The following ZNF385B variants were observed in gnomAD, a reference collection of about 807,000 sequenced individuals.
ZNF385B encodes the protein zinc finger protein 385B.
In ZNF385B, 23 loss-of-function variants were observed where a neutral mutation model predicts 39.2. The observed-to-expected ratio is 0.59, with a 90% CI of 0.42 to 0.83. ZNF385B has a LOEUF of 0.83. Among genes scored for constraint, ZNF385B ranks in the 40% least tolerant of loss-of-function variants. The probability of loss-of-function intolerance (pLI) is 0.00; values close to 1 mark genes in which losing one functional copy is unlikely to be tolerated. For synonymous variants in ZNF385B, 205 were observed against 222.6 expected, an observed-to-expected ratio of 0.92 and a Z score of 0.70; for missense variants, 552 against 598.9, an observed-to-expected ratio of 0.92 and a Z score of 0.82.
At chr2:179,462,282 A>G (rs1426421236) in intron 6 of ZNF385B, among the ~76,000 whole-genome samples, 1 of 152,168 alleles carries the variant, frequency 6.6e-6, no homozygotes, top group Non-Finnish European at 1.5e-5. Flanking sequence ...TTATCTTTCC[A>G]CTTTCTAAAT....
At chr2:179,665,979 G>A (rs542464271) in intron 3 of ZNF385B, among the ~76,000 whole-genome samples, 20 of 152,286 alleles carry the variant, frequency 1.3e-4, no homozygotes, top group African/African-American at 4.3e-4. Flanking sequence ...CCAGCTGGGA[G>A]GAATGTGTTT....
chr2:179,478,503 G>A (rs1574347350), intron 6 of ZNF385B, among the ~76,000 whole-genome samples: 1 of 152,138 alleles, frequency 6.6e-6, no homozygotes, highest in East Asian at 1.9e-4. Flanking sequence ...CAAATTTAAG[G>A]TGTTTCTATT....
intron 1 of ZNF385B, among the ~76,000 whole-genome samples, chr2:179,821,924 T>C (rs531466624): frequency 2.1e-4 from 32 of 152,004 alleles, no homozygotes; most frequent in African/African-American, 7.8e-4. Context: ...GAGACAAAGC[T>C]GAGATAATTC....
intron 3 of ZNF385B, among the ~76,000 whole-genome samples, chr2:179,722,968 T>C (rs1311648343): frequency 1.3e-5 from 2 of 152,140 alleles, no homozygotes. Context: ...TCAGCCTCAT[T>C]AGTTACCAGG....
At chr2:179,633,108 G>A (rs1173455805) in intron 3 of ZNF385B, among the ~76,000 whole-genome samples, 2 of 152,144 alleles carry the variant, frequency 1.3e-5, no homozygotes, top group Non-Finnish European at 2.9e-5. Context: ...ATTCACAGCT[G>A]AATTCTACCA....
chr2:179,841,933 CA>C (rs1708557214), intron 1 of ZNF385B, among the ~76,000 whole-genome samples: 1 of 152,170 alleles, frequency 6.6e-6, no homozygotes, highest in Non-Finnish European at 1.5e-5. Flanking sequence ...ACACTCCCCA[CA>C]AATACTTCCA....
chr2:179,657,741 CAAT>C (rs1246448298), intron 3 of ZNF385B, among the ~76,000 whole-genome samples: 2 of 152,174 alleles, frequency 1.3e-5, no homozygotes, highest in Non-Finnish European at 2.9e-5. Flanking sequence ...AGTAAGACAA[CAAT>C]AATTGTCTAC....
At chr2:179,789,346 T>C (rs1287081333) in intron 1 of ZNF385B, among the ~76,000 whole-genome samples, 1 of 152,202 alleles carries the variant, frequency 6.6e-6, no homozygotes. Flanking sequence ...AAGAACAGCA[T>C]GCATAGAATT....
At chr2:179,584,663 C>T (rs1261660276) in intron 3 of ZNF385B, among the ~76,000 whole-genome samples, 2 of 151,990 alleles carry the variant, frequency 1.3e-5, no homozygotes, top group Admixed American at 1.3e-4. Flanking sequence ...CATATGCCTA[C>T]CGAGGAATGC....
chr2:179,558,723 A>AT (rs2061122226), intron 3 of ZNF385B, among the ~76,000 whole-genome samples: 1 of 146,186 alleles, frequency 6.8e-6, no homozygotes, highest in Non-Finnish European at 1.5e-5. Flanking sequence ...TAGAGTGTTC[A>AT]TAAAAAATTC....
chr2:179,498,482 A>T (rs1019859286), intron 5 of ZNF385B, among the ~76,000 whole-genome samples: 2 of 152,072 alleles, frequency 1.3e-5, no homozygotes, highest in Admixed American at 1.3e-4. Context: ...AATAATTTTG[A>T]GCACCTTCTC....
intron 3 of ZNF385B, among the ~76,000 whole-genome samples, chr2:179,558,679 T>C (rs963441304): frequency 1.3e-5 from 2 of 152,198 alleles, no homozygotes. Flanking sequence ...TTTTTGCATA[T>C]GTATCCCAAG....
chr2:179,772,970 C>T (rs1440709281), intron 1 of ZNF385B, among the ~76,000 whole-genome samples: 2 of 152,118 alleles, frequency 1.3e-5, no homozygotes, highest in African/African-American at 4.8e-5. Flanking sequence ...CATTTTAGTG[C>T]AGGCAAAAGA....
At chr2:179,545,607 G>GTGT (rs1257829652) in intron 3 of ZNF385B, among the ~76,000 whole-genome samples, 1 of 152,142 alleles carries the variant, frequency 6.6e-6, no homozygotes, top group East Asian at 1.9e-4. Context: ...GGTGTTGGGG[G>GTGT]ACAGGTAGTA....
At chr2:179,701,162 G>T (rs1003783897) in intron 3 of ZNF385B, among the ~76,000 whole-genome samples, 2 of 152,090 alleles carry the variant, frequency 1.3e-5, no homozygotes, top group Admixed American at 1.3e-4. Context: ...ACTTTTATAA[G>T]TCATACACTT....
At chr2:179,547,927 G>A (rs2060337601) in intron 3 of ZNF385B, among the ~76,000 whole-genome samples, 1 of 149,512 alleles carries the variant, frequency 6.7e-6, no homozygotes, top group African/African-American at 2.5e-5. Flanking sequence ...TTTCATTGTA[G>A]AGATTTTTTA....
chr2:179,589,953 C>A (rs1203019837), intron 3 of ZNF385B, among the ~76,000 whole-genome samples: 1 of 152,208 alleles, frequency 6.6e-6, no homozygotes, highest in African/African-American at 2.4e-5. Context: ...ATTCATTAAA[C>A]CGTCACCAAA....
chr2:179,772,861 AG>A (rs1222643794), intron 1 of ZNF385B, among the ~76,000 whole-genome samples: 5 of 152,242 alleles, frequency 3.3e-5, no homozygotes, highest in African/African-American at 1.2e-4. Context: ...AATGAGTGTA[AG>A]AAAAGTCAGG....
chr2:179,457,766 T>C (rs974022379), intron 6 of ZNF385B, among the ~76,000 whole-genome samples: 5 of 152,198 alleles, frequency 3.3e-5, no homozygotes, highest in African/African-American at 1.2e-4. Flanking sequence ...TCTTTAAATA[T>C]AGCCTGAACA....
Sources: allele counts gnomAD v4.1 joint callset (sites outside exome capture counted in the v4.1 genomes callset), GRCh38; gene constraint gnomAD v4.1.1; transcripts MANE v1.5; gene names NCBI Gene and HGNC (gene_info 2026-07-23, HGNC 2026-07-21).